The following RAB38 variants were observed in gnomAD, a reference collection of about 807,000 sequenced individuals.
RAB38 encodes ras-related protein Rab-38.
In RAB38, 15 loss-of-function variants were observed where a neutral mutation model predicts 18.4. That is an observed-to-expected ratio of 0.82 (90% CI 0.55 to 1.26). RAB38 has a LOEUF of 1.26. RAB38 is among the 50% of genes most tolerant of loss of function. The pLI is 0.00. For missense variants in RAB38, 294 were observed against 267.4 expected, an observed-to-expected ratio of 1.10 and a Z score of -0.69; for synonymous variants, 101 against 104.4, an observed-to-expected ratio of 0.97 and a Z score of 0.20.
chr11:87,970,626 G>T, the RAB38 span, among the ~76,000 whole-genome samples: 1 of 152,016 alleles, frequency 6.6e-6, no homozygotes, highest in South Asian at 2.1e-4. Context: ...TCTTTAAAAT[G>T]AAAGACTTAA....
chr11:87,888,415 G>A, the RAB38 span, among the ~76,000 whole-genome samples: 1 of 151,980 alleles, frequency 6.6e-6, no homozygotes, highest in Non-Finnish European at 1.5e-5. Flanking sequence ...CAGCTTTTGA[G>A]TTAGACAAAC....
At chr11:88,012,464 T>TCCAG in the RAB38 span, among the ~76,000 whole-genome samples, 1 of 152,110 alleles carries the variant, frequency 6.6e-6, no homozygotes, top group African/African-American at 2.4e-5. Context: ...ACTGGATTAT[T>TCCAG]TTTCCTAATA....
At chr11:88,020,053 G>A in the RAB38 span, among the ~76,000 whole-genome samples, 1 of 152,146 alleles carries the variant, frequency 6.6e-6, no homozygotes, top group Non-Finnish European at 1.5e-5. Flanking sequence ...AGGTAAATGA[G>A]TCTTTGAGAC....
chr11:87,921,397 C>T, the RAB38 span, among the ~76,000 whole-genome samples: 3 of 151,690 alleles, frequency 2.0e-5, no homozygotes, highest in East Asian at 3.9e-4. Context: ...TTCGCCCAAC[C>T]GTAGGCTTAT....
chr11:87,943,278 T>C, the RAB38 span, among the ~76,000 whole-genome samples: 1 of 152,206 alleles, frequency 6.6e-6, no homozygotes, highest in South Asian at 2.1e-4. Context: ...CAAAGACAAA[T>C]AGATAATTTA....
the RAB38 span, among the ~76,000 whole-genome samples, chr11:88,022,825 C>A: frequency 3.9e-5 from 6 of 152,196 alleles, no homozygotes; most frequent in Middle Eastern, 0.02. Context: ...CATGTCTTTA[C>A]TATTGTGAAC....
At chr11:88,102,800 G>T in the RAB38 span, among the ~76,000 whole-genome samples, 1 of 151,972 alleles carries the variant, frequency 6.6e-6, no homozygotes, top group Non-Finnish European at 1.5e-5. Flanking sequence ...GATGATACAG[G>T]CTTGCACGCA....
the RAB38 span, among the ~76,000 whole-genome samples, chr11:87,830,356 C>T: frequency 1.3e-5 from 2 of 151,956 alleles, no homozygotes; most frequent in African/African-American, 4.8e-5. Context: ...TGCCGTGTAC[C>T]TGTGGTCCCA....
At chr11:87,889,336 A>T in the RAB38 span, among the ~76,000 whole-genome samples, 1 of 151,812 alleles carries the variant, frequency 6.6e-6, no homozygotes, top group South Asian at 2.1e-4. Flanking sequence ...TCCAAACCAC[A>T]TGTGCTGTTC....
At chr11:88,156,940 T>G (rs1943134704) in intron 1 of RAB38, among the ~76,000 whole-genome samples, 1 of 152,178 alleles carries the variant, frequency 6.6e-6, no homozygotes, top group Non-Finnish European at 1.5e-5. Flanking sequence ...GAAACTTATA[T>G]TTCAAAGCAA....
chr11:88,012,660 A>G, the RAB38 span, among the ~76,000 whole-genome samples: 9 of 152,116 alleles, frequency 5.9e-5, no homozygotes, highest in Non-Finnish European at 1.2e-4. Flanking sequence ...TCAGCAAATT[A>G]CAACCAACCA....
the RAB38 span, among the ~76,000 whole-genome samples, chr11:87,912,445 C>G: frequency 5.3e-5 from 8 of 151,938 alleles, no homozygotes; most frequent in African/African-American, 1.9e-4. Context: ...TCTCAAAGGA[C>G]TAGTCCATTT....
chr11:87,850,053 T>C, the RAB38 span, among the ~76,000 whole-genome samples: 2 of 152,088 alleles, frequency 1.3e-5, no homozygotes, highest in Non-Finnish European at 2.9e-5. Flanking sequence ...TCACTATAAG[T>C]ACACATACTC....
chr11:87,967,795 C>A, the RAB38 span, among the ~76,000 whole-genome samples: 1 of 152,240 alleles, frequency 6.6e-6, no homozygotes, highest in South Asian at 2.1e-4. Context: ...TTTTCTCTTT[C>A]GAAAATAATG....
chr11:88,012,651 C>A, the RAB38 span, among the ~76,000 whole-genome samples: 1 of 152,034 alleles, frequency 6.6e-6, no homozygotes, highest in Non-Finnish European at 1.5e-5. Flanking sequence ...ATTACATGCT[C>A]AGCAAATTAC....
At chr11:87,893,390 A>ATATATATATATATATATATATATATTTTT in the RAB38 span, among the ~76,000 whole-genome samples, 10 of 93,880 alleles carry the variant, frequency 1.1e-4, no homozygotes, top group Admixed American at 8.8e-4. Context: ...ATATATATAT[A>ATATATATATATATATATATATATATTTTT]TTTTTTTTTT....
At chr11:88,157,549 T>G (rs1391926483) in intron 1 of RAB38, among the ~76,000 whole-genome samples, 1 of 152,142 alleles carries the variant, frequency 6.6e-6, no homozygotes, top group East Asian at 1.9e-4. Flanking sequence ...AACATTCTTC[T>G]CATTTGCACA....
At chr11:88,017,420 T>A in the RAB38 span, among the ~76,000 whole-genome samples, 1 of 151,954 alleles carries the variant, frequency 6.6e-6, no homozygotes, top group South Asian at 2.1e-4. Flanking sequence ...ATATAATTTC[T>A]AAGGTCGTAT....
intron 2 of RAB38, among the ~76,000 whole-genome samples, chr11:88,123,026 T>G (rs1942649613): frequency 6.6e-6 from 1 of 152,224 alleles, no homozygotes; most frequent in South Asian, 2.1e-4. Flanking sequence ...ATGAGATTCT[T>G]GTTAAACGAT....
Sources: gnomAD v4.1 joint callset for allele counts (sites outside exome capture counted in the v4.1 genomes callset) on GRCh38, gnomAD v4.1.1 for gene constraint, MANE v1.5 for transcripts, NCBI Gene and HGNC (gene_info 2026-07-23, HGNC 2026-07-21) for gene names.